The following AUTS2 variants were observed in gnomAD, a reference collection of about 807,000 sequenced individuals.
The protein encoded by AUTS2 is autism susceptibility gene 2 protein.
In AUTS2, 17 loss-of-function variants were observed where a neutral mutation model predicts 112.4. The observed-to-expected ratio is 0.15, with a 90% CI of 0.10 to 0.23. AUTS2 has a LOEUF of 0.23. Among genes scored for constraint, AUTS2 ranks in the 10% least tolerant of loss-of-function variants. The probability of loss-of-function intolerance (pLI) is 1.00; values close to 1 mark genes in which losing one functional copy is unlikely to be tolerated. For missense variants in AUTS2, 1,510 were observed against 1,701.6 expected (o/e 0.89, Z 1.98); for synonymous variants, 751 against 702.7 (o/e 1.07, Z -1.09).
intron 2 of AUTS2, among the ~76,000 whole-genome samples, chr7:69,983,236 T>G (rs2129550439): frequency 6.6e-6 from 1 of 152,312 alleles, no homozygotes; most frequent in Non-Finnish European, 1.5e-5. Flanking sequence ...TTTTCCTTTT[T>G]GTACTCATGA....
intron 4 of AUTS2, among the ~76,000 whole-genome samples, chr7:70,242,775 A>G (rs1021510551): frequency 6.6e-6 from 1 of 151,764 alleles, no homozygotes; most frequent in African/African-American, 2.4e-5. Context: ...AGTTTTCAAA[A>G]CTAGCTGCAC....
At chr7:70,272,733 TTTTGTTTG>T (rs145197541) in intron 4 of AUTS2, among the ~76,000 whole-genome samples, 3 of 151,664 alleles carry the variant, frequency 2.0e-5, no homozygotes, top group African/African-American at 7.3e-5. Context: ...GTTGCTGTTT[TTTTGTTTG>T]TTTGTTTGTT....
intron 1 of AUTS2, among the ~76,000 whole-genome samples, chr7:69,775,337 C>T (rs1788845605): frequency 6.6e-6 from 1 of 152,152 alleles, no homozygotes; most frequent in Non-Finnish European, 1.5e-5. Flanking sequence ...ATCCTGCTCT[C>T]CATAGAGGCT....
At chr7:70,300,247 A>G (rs1265626154) in intron 4 of AUTS2, among the ~76,000 whole-genome samples, 2 of 152,214 alleles carry the variant, frequency 1.3e-5, no homozygotes, top group African/African-American at 2.4e-5. Flanking sequence ...TAGAAAAATA[A>G]TAATAATAAT....
chr7:69,861,185 G>A (rs1311483883), intron 1 of AUTS2, among the ~76,000 whole-genome samples: 1 of 152,158 alleles, frequency 6.6e-6, no homozygotes, highest in African/African-American at 2.4e-5. Flanking sequence ...GGGAAGTAAT[G>A]CTGCTGCTCT....
At chr7:70,337,680 T>G (rs1232360145) in intron 4 of AUTS2, among the ~76,000 whole-genome samples, 1 of 152,240 alleles carries the variant, frequency 6.6e-6, no homozygotes, top group Non-Finnish European at 1.5e-5. Flanking sequence ...GAAGTCCCAT[T>G]AGTCTTTAGC....
intron 4 of AUTS2, among the ~76,000 whole-genome samples, chr7:70,412,517 G>T (rs559900678): frequency 6.6e-6 from 1 of 152,178 alleles, no homozygotes; most frequent in Non-Finnish European, 1.5e-5. Context: ...CTAGCCAAAA[G>T]CTTTGGTGGA....
chr7:70,702,464 C>G (rs899815305), intron 6 of AUTS2, among the ~76,000 whole-genome samples: 90 of 152,298 alleles, frequency 5.9e-4, no homozygotes, highest in African/African-American at 2.0e-3. Context: ...TATTTTACCC[C>G]GTGACTTTCT....
intron 4 of AUTS2, among the ~76,000 whole-genome samples, chr7:70,223,381 T>C (rs2129593158): frequency 6.6e-6 from 1 of 152,130 alleles, no homozygotes; most frequent in South Asian, 2.1e-4. Context: ...TGCAACAGAG[T>C]CCCACGAGAT....
intron 1 of AUTS2, among the ~76,000 whole-genome samples, chr7:69,886,349 T>C (rs1794271085): frequency 6.6e-6 from 1 of 152,226 alleles, no homozygotes; most frequent in Non-Finnish European, 1.5e-5. Flanking sequence ...ACAGAATTAT[T>C]CCTTTAGTAG....
At chr7:70,592,274 C>T (rs1472713480) in intron 5 of AUTS2, among the ~76,000 whole-genome samples, 1 of 152,124 alleles carries the variant, frequency 6.6e-6, no homozygotes, top group African/African-American at 2.4e-5. Context: ...GAATTGAGTT[C>T]GGAGCCAAAC....
At chr7:70,686,866 G>C (rs1342290446) in intron 5 of AUTS2, among the ~76,000 whole-genome samples, 1 of 152,120 alleles carries the variant, frequency 6.6e-6, no homozygotes. Context: ...TCATTTATTT[G>C]TTTTTAAATC....
chr7:70,025,831 G>A (rs1301477168), intron 2 of AUTS2, among the ~76,000 whole-genome samples: 1 of 150,502 alleles, frequency 6.6e-6, no homozygotes, highest in Non-Finnish European at 1.5e-5. Context: ...AGTGCTGAAG[G>A]ATGTTAAAAG....
At chr7:70,268,315 C>T (rs1787532582) in intron 4 of AUTS2, among the ~76,000 whole-genome samples, 1 of 152,154 alleles carries the variant, frequency 6.6e-6, no homozygotes, top group Non-Finnish European at 1.5e-5. Flanking sequence ...AGGAGGTGAG[C>T]AGTTTACATT....
chr7:70,618,598 G>C (rs1804502771), intron 5 of AUTS2, among the ~76,000 whole-genome samples: 1 of 152,160 alleles, frequency 6.6e-6, no homozygotes, highest in Non-Finnish European at 1.5e-5. Flanking sequence ...TTTGTGCCAG[G>C]GGTCTTGTTC....
chr7:70,551,118 A>G (rs1296495200), intron 5 of AUTS2, among the ~76,000 whole-genome samples: 1 of 152,210 alleles, frequency 6.6e-6, no homozygotes, highest in Non-Finnish European at 1.5e-5. Context: ...GCATCGGATT[A>G]TAACCCAAAG....
At chr7:70,302,899 A>T (rs13242323) in intron 4 of AUTS2, among the ~76,000 whole-genome samples, 1 of 150,844 alleles carries the variant, frequency 6.6e-6, no homozygotes, top group Non-Finnish European at 1.5e-5. Context: ...TTTTCCTGAA[A>T]GATCTTCTTT....
At position 70,110,957 on chromosome 7, in the gene AUTS2, C is replaced by T. The variant is rs558466605; in HGVS notation, c.523-7175C>T. On this transcript the variant is annotated intron_variant, in intron 2 of 18. Coordinates refer to ENST00000342771, the MANE Select transcript of AUTS2 (RefSeq NM_015570.4). ...CGCGATCTCAGCTCACTGCAAGCTC[C>T]GCCTCCCGGGTTCAGGCCATTCTCC... is the stretch of plus-strand genomic sequence containing the variant. 2.9e-3 allele frequency among the ~76,000 whole-genome samples: 439 copies of T among 150,904 alleles called. 4 individuals are homozygous for T. The highest frequency in any genetic ancestry group is 0.01 in the African/African-American group (421 of 41,066).
intron 2 of AUTS2, among the ~76,000 whole-genome samples, chr7:69,927,339 G>A (rs1447577354): frequency 1.3e-5 from 2 of 150,840 alleles, no homozygotes; most frequent in Non-Finnish European, 2.9e-5. Flanking sequence ...TTATACTGTC[G>A]ATGACATGAG....
Sources: gnomAD v4.1 joint callset for allele counts (sites outside exome capture counted in the v4.1 genomes callset) on GRCh38, gnomAD v4.1.1 for gene constraint, MANE v1.5 for transcripts, NCBI Gene and HGNC (gene_info 2026-07-23, HGNC 2026-07-21) for gene names.